IL3RA: variants seen among roughly 807,000 people sequenced by gnomAD.
The protein encoded by IL3RA is interleukin-3 receptor subunit alpha.
IL3RA carries 73 observed loss-of-function variants against 52.3 expected under a neutral mutation model. That is an observed-to-expected ratio of 1.40 (90% CI 1.16 to 1.70). IL3RA has a LOEUF of 1.70. IL3RA is among the 40% of genes most tolerant of loss of function. The probability of loss-of-function intolerance (pLI) is 0.00; values close to 1 mark genes in which losing one functional copy is unlikely to be tolerated. For synonymous variants in IL3RA, 260 were observed against 194.0 expected (o/e 1.34, Z -2.83); for missense variants, 664 against 504.4 (o/e 1.32, Z -3.03).
At position 1,345,319 on chromosome X, in the gene IL3RA, C is replaced by G; in HGVS notation, c.68C>G (p.Pro23Arg). The change falls in exon 3 of 12, where the codon CCA becomes CGA. Residue 23 changes from proline (P) to arginine (R), a missense_variant. Pro to Arg is a moderately radical substitution (Grantham distance 103, BLOSUM62 -2). Transcript: ENST00000331035. ...LPCLLQTKEDPNPPITNLRMK... is the reference protein window; with the variant it reads ...LPCLLQTKEDRNPPITNLRMK... ...CTCCAACCTGTCACCGTTTTAGATC[C>G]AAACCCACCAATCACGAACCTAAGG... 1.2e-6 allele frequency: 2 copies of G among 1,607,968 alleles called. No individual in the cohort carries two copies. Among genetic ancestry groups the G allele is most frequent in the South Asian group, 2.2e-5 (2 of 90,498 alleles).
chrX:1,380,812 C>A (rs2089142534), intron 10 of IL3RA, among the ~76,000 whole-genome samples: 1 of 151,638 alleles, frequency 6.6e-6, no homozygotes, highest in South Asian at 2.1e-4. Context: ...GGTACCAGCG[C>A]CCTACTCCTT....
chrX:1,358,097 T>TC (rs1189457840), intron 7 of IL3RA, among the ~76,000 whole-genome samples: 2 of 150,370 alleles, frequency 1.3e-5, no homozygotes, highest in Non-Finnish European at 3.0e-5. Flanking sequence ...AGAGTGAGAC[T>TC]CCGTCTCAGG....
chrX:1,382,526 C>G lies in IL3RA; in HGVS notation c.*61C>G. ...TCTCCCTGGCCGGGCCAGGCGCCTG[C>G]ACAGACTGGCTGCTGGACCTGCGCA... is the stretch of plus-strand genomic sequence containing the variant. On this transcript the variant is annotated 3_prime_UTR_variant, in exon 12 of 12. Coordinates refer to ENST00000331035, the MANE Select transcript of IL3RA (RefSeq NM_002183.4). The G allele has an allele frequency of 4.8e-6, 7 of 1,465,474 alleles. No individual in the cohort carries two copies. Among genetic ancestry groups the G allele is most frequent in the Non-Finnish European group, 6.7e-6 (7 of 1,044,648 alleles). The allele number at this position is 1,465,474 out of a possible 1,614,324, so 90.8% of individuals were successfully genotyped here.
intron 6 of IL3RA, among the ~76,000 whole-genome samples, chrX:1,353,943 A>AG (rs1187426063): frequency 4.7e-4 from 20 of 42,804 alleles, no homozygotes; most frequent in Middle Eastern, 0.024. Context: ...GGGTCATGGG[A>AG]CCCCCCCCCC....
intron 8 of IL3RA, among the ~76,000 whole-genome samples, chrX:1,363,283 A>C (rs2087608852): frequency 6.7e-6 from 1 of 149,848 alleles, no homozygotes; most frequent in South Asian, 2.1e-4. Flanking sequence ...TACCCATCAA[A>C]TATGAATGGT....
chrX:1,360,920 C>T (rs1195498632), intron 8 of IL3RA, among the ~76,000 whole-genome samples: 5 of 125,728 alleles, frequency 4.0e-5, no homozygotes, highest in African/African-American at 1.0e-4. Context: ...TCTCTCCCTT[C>T]CCCTCTCTGT....
In IL3RA at chrX:1,382,536, C is replaced by A. The variant is rs189582053; in HGVS notation, c.*71C>A. 5.5e-4 allele frequency: 765 copies of A among 1,382,252 alleles called. 3 individuals are homozygous for A. The African/African-American group carries it at 9.6e-3, about 17-fold the overall frequency. The allele number at this position is 1,382,252 out of a possible 1,614,324, so 85.6% of individuals were successfully genotyped here. On this transcript the variant is annotated 3_prime_UTR_variant, in exon 12 of 12. Coordinates refer to ENST00000331035, the MANE Select transcript of IL3RA (RefSeq NM_002183.4). ...CGGGCCAGGCGCCTGCACAGACTGGCTGCTGGACCTGCGCACGCAGCCCAG... is the reference window on the plus strand; with the variant it reads ...CGGGCCAGGCGCCTGCACAGACTGGATGCTGGACCTGCGCACGCAGCCCAG...
At chrX:1,337,404 G>T (rs1464329846) in intron 1 of IL3RA, among the ~76,000 whole-genome samples, 1 of 152,182 alleles carries the variant, frequency 6.6e-6, no homozygotes. Flanking sequence ...TTTCTCAGTG[G>T]TTTTCAAAGG....
chrX:1,378,645 C>A lies in IL3RA; in HGVS notation c.875-14C>A, dbSNP rs773585518. On this transcript the variant is annotated splice_polypyrimidine_tract_variant and intron_variant, in intron 9 of 11. Transcript: ENST00000331035. ...CGGCCCCCGGTCTGTGACCCTCTCA[C>A]CCTTTACCCCTAGAGTGCGACCAGG... The A allele has an allele frequency of 1.1e-5, 18 of 1,609,996 alleles. No individual in the cohort carries two copies. Among genetic ancestry groups the A allele is most frequent in the African/African-American group, 2.7e-5 (2 of 74,842 alleles).
intron 8 of IL3RA, among the ~76,000 whole-genome samples, chrX:1,360,356 ATC>A (rs771602134): frequency 1.4e-3 from 152 of 108,796 alleles, no homozygotes; most frequent in Non-Finnish European, 1.4e-3. Flanking sequence ...CCCTCTCTTT[ATC>A]TCTCTCTCTC....
chrX:1,382,321 C>G (rs765216229), intron 11 of IL3RA, 70 bp from the exon 12 acceptor site: 21 of 980,858 alleles, frequency 2.1e-5, no homozygotes, highest in Middle Eastern at 7.2e-4. Flanking sequence ...GACAGGCCCC[C>G]GCAGATCAGG....
At position 1,365,221 on chromosome X, in the gene IL3RA, C is replaced by G. The variant is rs757831175; in HGVS notation, c.843C>G (p.Phe281Leu). 17 of 1,610,194 alleles carry G rather than the reference C, an allele frequency of 1.1e-5. No individual in the cohort carries two copies. Among genetic ancestry groups the G allele is most frequent in the Non-Finnish European group, 1.4e-5 (17 of 1,178,260 alleles). Residue 281 changes from phenylalanine (F) to leucine (L), a missense_variant, in exon 9 of 12, where the codon TTC becomes TTG. Transcript: ENST00000331035. ...QIRARERVYE[F>L]LSAWSTPQRF... ...GAGCCCGGGAAAGAGTGTATGAATT[C>G]TTGAGCGCCTGGAGCACCCCCCAGC... is the stretch of plus-strand genomic sequence containing the variant.
At chrX:1,361,686 G>C (rs1393537235) in intron 8 of IL3RA, among the ~76,000 whole-genome samples, 1 of 147,634 alleles carries the variant, frequency 6.8e-6, no homozygotes, top group African/African-American at 2.5e-5. Flanking sequence ...CCGGGAGGCA[G>C]AGGTTGCAGT....
At chrX:1,356,199 A>C (rs773386238) in intron 6 of IL3RA, 22 bp from the exon 7 acceptor site, 6 of 1,395,800 alleles carry the variant, frequency 4.3e-6, no homozygotes, top group Non-Finnish European at 6.0e-6. Flanking sequence ...CTAAATCCTA[A>C]AAGTGTTTTT....
intron 5 of IL3RA, 29 bp from the exon 6 acceptor site, chrX:1,352,293 T>C (rs745510953): frequency 6.2e-7 from 1 of 1,610,950 alleles, no homozygotes; most frequent in African/African-American, 1.3e-5. Flanking sequence ...CGGCGTGGGG[T>C]CGTCCCCCAA....
In IL3RA at chrX:1,348,343, A is replaced by G. The variant is rs79431791; in HGVS notation, c.184-88A>G. ...ACTCCAGCGTGGGCGACGAGAGCGA[A>G]ACTCTGCCTCAAAAAAAATCTGAAC... On this transcript the variant is annotated intron_variant, in intron 3 of 11. Transcript: ENST00000331035. 4.1e-3 allele frequency: 4,369 copies of G among 1,052,844 alleles called. 53 individuals carry two copies. The highest frequency in any genetic ancestry group is 0.025 in the South Asian group (2,000 of 78,826). 65.2% of individuals were successfully genotyped at this position (1,052,844 alleles called of 1,614,324 possible).
In IL3RA at chrX:1,352,251, A is replaced by G. The variant is rs771072302; in HGVS notation, c.431+19A>G. 12 of 1,613,340 alleles carry G rather than the reference A, an allele frequency of 7.4e-6. No homozygotes were observed. The highest frequency in any genetic ancestry group is 5.3e-5 in the African/African-American group (4 of 75,064). On this transcript the variant is annotated intron_variant, in intron 5 of 11. Coordinates refer to ENST00000331035, the MANE Select transcript of IL3RA (RefSeq NM_002183.4). The stretch of plus-strand genomic sequence containing the variant: ...TTGCCAAGTAGGTGTGCCCGTGGGC[A>G]GAGGCCGGGCTGTCCCTGGTGCGGG...
intron 9 of IL3RA, among the ~76,000 whole-genome samples, chrX:1,367,840 C>A (rs2088275334): frequency 6.6e-6 from 1 of 150,702 alleles, no homozygotes; most frequent in East Asian, 1.9e-4. Context: ...GTGCGCCATC[C>A]TGGGTCACGG....
intron 8 of IL3RA, among the ~76,000 whole-genome samples, chrX:1,362,250 GTC>G (rs199565022): frequency 0.014 from 2,022 of 148,530 alleles, 43 homozygotes; most frequent in Middle Eastern, 0.093. Flanking sequence ...CTTTGTCTAT[GTC>G]TCTCTGTTTT....
Sources: allele counts gnomAD v4.1 joint callset (sites outside exome capture counted in the v4.1 genomes callset), GRCh38; gene constraint gnomAD v4.1.1; transcripts MANE v1.5; gene names NCBI Gene and HGNC (gene_info 2026-07-23, HGNC 2026-07-21).